Variants in CFAP54 observed in about 807,000 individuals in gnomAD.
CFAP54 encodes cilia- and flagella-associated protein 54.
A neutral mutation model predicts 370.4 loss-of-function variants in CFAP54; 290 were observed. That is an observed-to-expected ratio of 0.78 (90% CI 0.71 to 0.86). The LOEUF is 0.86. Among genes scored for constraint, CFAP54 ranks in the 40% least tolerant of loss-of-function variants. CFAP54 has a pLI of 0.00. For synonymous variants in CFAP54, 1,206 were observed against 1,236.5 expected, an observed-to-expected ratio of 0.98 and a Z score of 0.52; for missense variants, 3,399 against 3,528.7, an observed-to-expected ratio of 0.96 and a Z score of 0.93.
intron 32 of CFAP54, among the ~76,000 whole-genome samples, chr12:96,632,346 C>T (rs1398507535): frequency 2.0e-5 from 3 of 151,848 alleles, no homozygotes; most frequent in Non-Finnish European, 4.4e-5. Flanking sequence ...AATTCCTAAT[C>T]TGGGATAGTA....
intron 4 of CFAP54, among the ~76,000 whole-genome samples, chr12:96,512,761 G>T (rs1955187469): frequency 6.6e-6 from 1 of 152,174 alleles, no homozygotes; most frequent in African/African-American, 2.4e-5. Context: ...GAGACTAGAA[G>T]ATTCCTGTGT....
chr12:96,842,400 A>G (rs922227730), intron 66 of CFAP54, among the ~76,000 whole-genome samples: 5 of 152,178 alleles, frequency 3.3e-5, no homozygotes, highest in African/African-American at 9.7e-5. Flanking sequence ...CATCACAGCA[A>G]GGATCCCCTC....
At chr12:96,825,994 A>G (rs1223354290) in intron 65 of CFAP54, among the ~76,000 whole-genome samples, 20 of 143,680 alleles carry the variant, frequency 1.4e-4, no homozygotes, top group Admixed American at 7.2e-4. Flanking sequence ...TAAATTAATA[A>G]ATAACAATAT....
At chr12:96,747,340 G>T (rs943439602) in intron 55 of CFAP54, among the ~76,000 whole-genome samples, 1 of 152,146 alleles carries the variant, frequency 6.6e-6, no homozygotes, top group Non-Finnish European at 1.5e-5. Flanking sequence ...CCTTGGCAGA[G>T]GTGATTATGG....
At chr12:96,775,932 C>T (rs1049049709) in intron 60 of CFAP54, among the ~76,000 whole-genome samples, 3 of 152,040 alleles carry the variant, frequency 2.0e-5, no homozygotes, top group African/African-American at 7.2e-5. Context: ...TTACATAGGG[C>T]ATAGAGTTGG....
rs1008509406 is a variant in CFAP54, at chr12:96,786,881, C to T, written c.8662C>T (p.Arg2888Cys). Residue 2888 changes from arginine (R) to cysteine (C), a missense_variant, in exon 62 of 68, where the codon CGT (arginine) becomes TGT (cysteine). Arg to Cys is a radical substitution (Grantham distance 180). Coordinates refer to ENST00000524981, the MANE Select transcript of CFAP54 (RefSeq NM_001306084.2). ...TCCCCCTCTTTCAGAAAAAGACTTA[C>T]GTGAATCATCTGCCAAGGTAACGTT... The part of the protein sequence containing the change: ...ENPPLSEKDL[R>C]ESSAKLYRDS... The T allele has an allele frequency of 2.1e-5, 32 of 1,531,402 alleles. No homozygotes were observed. The East Asian group carries it at 2.7e-4, about 13-fold the overall frequency. 94.9% of individuals were successfully genotyped at this position (1,531,402 alleles called of 1,614,324 possible).
intron 58 of CFAP54, among the ~76,000 whole-genome samples, chr12:96,758,859 C>T (rs1286013867): frequency 6.6e-6 from 1 of 152,128 alleles, no homozygotes; most frequent in Non-Finnish European, 1.5e-5. Context: ...TCTAACGAGC[C>T]TCCCAGGTGA....
intron 39 of CFAP54, among the ~76,000 whole-genome samples, chr12:96,667,953 G>T (rs974932099): frequency 6.6e-6 from 1 of 151,288 alleles, no homozygotes; most frequent in African/African-American, 2.4e-5. Context: ...GATCTCTAGG[G>T]CAGGGGCAAA....
At chr12:96,756,662 T>G in intron 57 of CFAP54, 99 bp downstream of exon 57, 1 of 764,262 alleles carries the variant, frequency 1.3e-6, no homozygotes, top group Non-Finnish European at 2.2e-6. Flanking sequence ...TTGGGATGCC[T>G]TCTGAAAGCA....
intron 66 of CFAP54, among the ~76,000 whole-genome samples, chr12:96,847,350 T>C (rs1959389228): frequency 6.6e-6 from 1 of 151,962 alleles, no homozygotes; most frequent in Non-Finnish European, 1.5e-5. Flanking sequence ...TCCCTCCCTG[T>C]GCTCTACTTG....
intron 48 of CFAP54, among the ~76,000 whole-genome samples, chr12:96,717,468 TAAC>T (rs749954326): frequency 1.3e-4 from 20 of 152,228 alleles, no homozygotes; most frequent in Non-Finnish European, 2.6e-4. Flanking sequence ...TCTTTGTACT[TAAC>T]AAACTTAATT....
At chr12:96,783,253 G>A (rs2136691979) in intron 60 of CFAP54, among the ~76,000 whole-genome samples, 2 of 152,322 alleles carry the variant, frequency 1.3e-5, no homozygotes, top group Non-Finnish European at 1.5e-5. Context: ...CAGCGAGAGT[G>A]AAATGGAATT....
At chr12:96,541,664 T>C (rs868402962) in intron 14 of CFAP54, among the ~76,000 whole-genome samples, 3 of 152,256 alleles carry the variant, frequency 2.0e-5, no homozygotes, top group Middle Eastern at 3.4e-3. Context: ...AGGAAGACTA[T>C]GTTTTGGACA....
chr12:96,590,991 C>T (rs907783948), intron 23 of CFAP54, among the ~76,000 whole-genome samples: 5 of 151,990 alleles, frequency 3.3e-5, no homozygotes, highest in East Asian at 1.9e-4. Context: ...TCCCAGGAAA[C>T]GACTGTTTAA....
At chr12:96,651,872 C>T (rs1956862094) in intron 36 of CFAP54, 57 bp downstream of exon 36, 1 of 1,079,288 alleles carries the variant, frequency 9.3e-7, no homozygotes, top group East Asian at 2.6e-5. Context: ...TCGTACTGTG[C>T]ATCTTGGTAT....
intron 32 of CFAP54, among the ~76,000 whole-genome samples, chr12:96,640,184 T>C (rs1260541148): frequency 6.6e-6 from 1 of 152,262 alleles, no homozygotes; most frequent in East Asian, 1.9e-4. Context: ...AAAACCCCAT[T>C]GTCTCAGCCC....
intron 4 of CFAP54, among the ~76,000 whole-genome samples, chr12:96,508,354 C>T (rs1249275148): frequency 6.7e-5 from 10 of 149,882 alleles, no homozygotes; most frequent in East Asian, 2.0e-4. Flanking sequence ...GGCATGATCT[C>T]GGCTCACTGC....
Position 96,540,849 on chromosome 12 carries a change from C to T in CFAP54, c.1939C>T (p.Leu647=), listed in dbSNP as rs532060850. The change falls in exon 14 of 68, where the codon CTG becomes TTG. Residue 647 remains leucine, a synonymous_variant. Transcript: ENST00000524981. ...KISTNKWIYL[L]WQINEVIHCY... The stretch of plus-strand genomic sequence containing the variant: ...TTTCTCTTTTTAGTGGATTTATCTT[C>T]TGTGGCAGATAAATGAAGTAATTCA... 11 of 1,451,604 alleles carry T rather than the reference C, an allele frequency of 7.6e-6. No individual in the cohort carries two copies. The highest frequency in any genetic ancestry group is 1.4e-5 in the African/African-American group (1 of 69,222). 89.9% of individuals were successfully genotyped at this position (1,451,604 alleles called of 1,614,324 possible). A position where few individuals can be genotyped will look rare whatever the true frequency, so the allele number is the denominator to read the frequency against.
intron 66 of CFAP54, among the ~76,000 whole-genome samples, chr12:96,857,371 T>G (rs1241916463): frequency 6.6e-6 from 1 of 152,198 alleles, no homozygotes; most frequent in Non-Finnish European, 1.5e-5. Flanking sequence ...AGCTTCCACT[T>G]GTAAGTGAAA....
Sources: allele counts gnomAD v4.1 joint callset (sites outside exome capture counted in the v4.1 genomes callset), GRCh38; gene constraint gnomAD v4.1.1; transcripts MANE v1.5; gene names NCBI Gene and HGNC (gene_info 2026-07-23, HGNC 2026-07-21).